RUVBL1: variants seen among roughly 807,000 people sequenced by gnomAD.
RUVBL1 encodes the protein ruvB-like 1.
RUVBL1 carries 4 observed loss-of-function variants against 52.4 expected under a neutral mutation model. That is an observed-to-expected ratio of 0.08 (90% confidence interval 0.04 to 0.17). RUVBL1 has a LOEUF of 0.17. RUVBL1 is among the 10% of genes least tolerant of loss of function. The pLI, the probability that RUVBL1 is intolerant of heterozygous loss-of-function variation, is 1.00. For missense variants in RUVBL1, 298 were observed against 572.8 expected (o/e 0.52, Z 4.90); for synonymous variants, 217 against 214.4 (o/e 1.01, Z -0.10).
chr3:128,150,977 A>C (rs1196421185), intron 1 of RUVBL1, among the ~76,000 whole-genome samples: 17 of 89,932 alleles, frequency 1.9e-4, no homozygotes, highest in Admixed American at 9.1e-4. Context: ...ATTATATATT[A>C]TATATTCTAT....
intron 1 of RUVBL1, among the ~76,000 whole-genome samples, chr3:128,136,227 G>GA (rs34424228): frequency 2.8e-4 from 41 of 144,240 alleles, no homozygotes; most frequent in Middle Eastern, 3.5e-3. Context: ...CAAATAATCA[G>GA]AAAAAAAAAA....
chr3:128,111,369 C>A lies in RUVBL1; in HGVS notation c.361+1519G>T, dbSNP rs57701101. 8.7e-4 allele frequency among the ~76,000 whole-genome samples: 133 copies of A among 152,286 alleles called. 1 individual carries two copies. The highest frequency in any genetic ancestry group is 3.1e-3 in the African/African-American group (129 of 41,558). On this transcript the variant is annotated intron_variant, in intron 3 of 10. Coordinates refer to ENST00000322623, the MANE Select transcript of RUVBL1 (RefSeq NM_003707.3). ...CACTGACCACTGTATCCCCAGGAGA[C>A]GCTGAGTAAACACCCAACCTGCTCC...
chr3:128,137,915 C>A (rs1195896626), intron 1 of RUVBL1, among the ~76,000 whole-genome samples: 1 of 152,124 alleles, frequency 6.6e-6, no homozygotes, highest in Admixed American at 6.5e-5. Context: ...TGTGGTACAT[C>A]ATATCAATAA....
chr3:128,098,697 G>T (rs1252427725), intron 7 of RUVBL1, among the ~76,000 whole-genome samples, 185 bp downstream of exon 7: 3 of 152,232 alleles, frequency 2.0e-5, no homozygotes, highest in African/African-American at 7.2e-5. Flanking sequence ...AGCACACAGT[G>T]TGCTATATGG....
At chr3:128,071,076 C>T (rs1942153575) in intron 9 of RUVBL1, 1 of 152,262 alleles carries the variant, frequency 6.6e-6, no homozygotes, top group South Asian at 2.1e-4. Flanking sequence ...CACACGGCAG[C>T]CTGCAAAGCA....
At chr3:128,130,634 TA>T (rs1943864004) in intron 1 of RUVBL1, among the ~76,000 whole-genome samples, 1 of 143,526 alleles carries the variant, frequency 7.0e-6, no homozygotes, top group African/African-American at 2.7e-5. Flanking sequence ...TTTATGTATT[TA>T]TTTATTTATT....
intron 3 of RUVBL1, among the ~76,000 whole-genome samples, chr3:128,105,381 A>G (rs1647797556): frequency 6.6e-6 from 1 of 151,920 alleles, no homozygotes; most frequent in South Asian, 2.1e-4. Flanking sequence ...CGGCCTCCCA[A>G]AGTGCTGGGT....
At chr3:128,095,745 GT>G (rs200233153) in intron 8 of RUVBL1, among the ~76,000 whole-genome samples, 4 of 151,226 alleles carry the variant, frequency 2.6e-5, no homozygotes, top group African/African-American at 7.3e-5. Flanking sequence ...TGCATGTTTT[GT>G]TTTTTTTTAA....
Position 128,110,862 on chromosome 3 carries a change from T to C in RUVBL1, c.361+2026A>G, listed in dbSNP as rs553294665. On this transcript the variant is annotated intron_variant, in intron 3 of 10. Transcript: ENST00000322623. ...AATACTTCATAAACCAAACAACATA[T>C]GTCTATAGCCCAGACATATTTTTTA... Among the ~76,000 whole-genome samples, 34 of 152,230 alleles carry C rather than the reference T, an allele frequency of 2.2e-4. 1 individual carries two copies. The highest frequency in any genetic ancestry group is 7.5e-4 in the African/African-American group (31 of 41,536).
intron 3 of RUVBL1, among the ~76,000 whole-genome samples, chr3:128,105,207 G>A (rs191775070): frequency 8.0e-5 from 12 of 149,808 alleles, no homozygotes; most frequent in Admixed American, 6.7e-4. Flanking sequence ...CTGCCTCCCC[G>A]GTTCACTCCA....
At chr3:128,140,232 G>GTTTTTTTTTTTTTTTTT (rs60288042) in intron 1 of RUVBL1, among the ~76,000 whole-genome samples, 2 of 117,270 alleles carry the variant, frequency 1.7e-5, no homozygotes, top group Non-Finnish European at 1.7e-5. Flanking sequence ...TTGTTTGTTT[G>GTTTTTTTTTTTTTTTTT]TTTTTTTTTT....
intron 8 of RUVBL1, among the ~76,000 whole-genome samples, chr3:128,094,275 T>C (rs905570208): frequency 6.6e-6 from 1 of 152,126 alleles, no homozygotes; most frequent in Non-Finnish European, 1.5e-5. Context: ...TAAAACACAA[T>C]GGCCATCAGA....
chr3:128,135,725 A>G (rs1943938318), intron 1 of RUVBL1, among the ~76,000 whole-genome samples: 1 of 152,246 alleles, frequency 6.6e-6, no homozygotes, highest in Non-Finnish European at 1.5e-5. Flanking sequence ...TCTGAAAGAA[A>G]AGGATGTTAA....
chr3:128,089,527 C>T (rs1055382651), intron 8 of RUVBL1, among the ~76,000 whole-genome samples: 3 of 152,314 alleles, frequency 2.0e-5, no homozygotes, highest in Non-Finnish European at 4.4e-5. Flanking sequence ...AACAAGTAAG[C>T]ATGCTAAAAA....
chr3:128,116,350 G>A (rs1345382697), intron 2 of RUVBL1, among the ~76,000 whole-genome samples: 1 of 151,786 alleles, frequency 6.6e-6, no homozygotes, highest in Admixed American at 6.6e-5. Flanking sequence ...AGACCAGCCT[G>A]ACCAACATGA....
chr3:128,066,538 T>C, intron 9 of RUVBL1: 1 of 181,088 alleles, frequency 5.5e-6, no homozygotes, highest in Non-Finnish European at 1.2e-5. Flanking sequence ...TTGTCCCACC[T>C]CAGCCTCCTG....
At chr3:128,110,910 T>TG (rs752330438) in intron 3 of RUVBL1, among the ~76,000 whole-genome samples, 3 of 152,002 alleles carry the variant, frequency 2.0e-5, no homozygotes, top group Non-Finnish European at 4.4e-5. Flanking sequence ...TGTTTTCATA[T>TG]TTTTTAGCTA....
intron 9 of RUVBL1, among the ~76,000 whole-genome samples, chr3:128,087,010 A>G (rs1942662611): frequency 6.6e-6 from 1 of 152,270 alleles, no homozygotes; most frequent in African/African-American, 2.4e-5. Context: ...TCAGTTTCAC[A>G]AACTCCCTCC....
intron 2 of RUVBL1, among the ~76,000 whole-genome samples, chr3:128,113,299 A>G (rs1031990695): frequency 3.9e-5 from 6 of 152,222 alleles, no homozygotes; most frequent in African/African-American, 1.4e-4. Flanking sequence ...CAACCAGCCT[A>G]TGAAATAGAC....
Sources: gnomAD v4.1 joint callset for allele counts (sites outside exome capture counted in the v4.1 genomes callset) on GRCh38, gnomAD v4.1.1 for gene constraint, MANE v1.5 for transcripts, NCBI Gene and HGNC (gene_info 2026-07-23, HGNC 2026-07-21) for gene names.